The following FILIP1L variants were observed in gnomAD, a reference collection of about 807,000 sequenced individuals.
The protein encoded by FILIP1L is filamin A interacting protein 1 like.
FILIP1L carries 55 observed loss-of-function variants against 96.6 expected under a neutral mutation model. The observed-to-expected ratio is 0.57, with a 90% CI of 0.46 to 0.71. FILIP1L has a LOEUF of 0.71. FILIP1L is among the 30% of genes least tolerant of loss of function. The pLI is 0.00. For missense variants in FILIP1L, 1,304 were observed against 1,321.2 expected (o/e 0.99, Z 0.20); for synonymous variants, 467 against 473.9 (o/e 0.99, Z 0.19).
intron 5 of FILIP1L, among the ~76,000 whole-genome samples, chr3:99,842,677 A>G (rs1485943079): frequency 1.3e-5 from 2 of 152,226 alleles, no homozygotes; most frequent in Admixed American, 1.3e-4. Context: ...AATTTTGACA[A>G]TGAAATTTTA....
intron 1 of FILIP1L, among the ~76,000 whole-genome samples, chr3:99,995,684 G>A (rs1432668317): frequency 6.6e-6 from 1 of 152,220 alleles, no homozygotes; most frequent in Non-Finnish European, 1.5e-5. Context: ...CATCTAGGCA[G>A]AGGTTCCCAA....
At chr3:99,954,170 A>C (rs1708254800) in intron 1 of FILIP1L, among the ~76,000 whole-genome samples, 1 of 152,238 alleles carries the variant, frequency 6.6e-6, no homozygotes, top group African/African-American at 2.4e-5. Context: ...CATATTTCAC[A>C]GGTGACAAAC....
chr3:100,070,753 TC>T (rs1195960915), intron 1 of FILIP1L, among the ~76,000 whole-genome samples: 6 of 152,098 alleles, frequency 3.9e-5, no homozygotes, highest in South Asian at 2.1e-4. Context: ...TGCCTCAGCC[TC>T]CCAAGTAGCT....
intron 1 of FILIP1L, among the ~76,000 whole-genome samples, chr3:100,012,299 T>G (rs1047898183): frequency 2.0e-5 from 3 of 152,186 alleles, no homozygotes; most frequent in African/African-American, 7.2e-5. Flanking sequence ...CTGCCAAATA[T>G]GAGATGTATA....
At chr3:99,937,549 G>A (rs1199062559) in intron 1 of FILIP1L, among the ~76,000 whole-genome samples, 3 of 152,176 alleles carry the variant, frequency 2.0e-5, no homozygotes, top group African/African-American at 7.2e-5. Flanking sequence ...GGCCTTGGGC[G>A]TCAGTGAGCC....
chr3:99,844,512 A>G (rs2107512453), intron 5 of FILIP1L, among the ~76,000 whole-genome samples: 1 of 152,362 alleles, frequency 6.6e-6, no homozygotes, highest in South Asian at 2.1e-4. Flanking sequence ...TTTGTCTAAC[A>G]TATTTCAAAG....
At chr3:99,896,616 G>T (rs1442729806) in intron 4 of FILIP1L, among the ~76,000 whole-genome samples, 1 of 152,142 alleles carries the variant, frequency 6.6e-6, no homozygotes, top group Non-Finnish European at 1.5e-5. Context: ...ATTTTGATGG[G>T]CTAAGAACAA....
At chr3:100,043,213 T>C (rs1294346515) in intron 1 of FILIP1L, among the ~76,000 whole-genome samples, 1 of 152,250 alleles carries the variant, frequency 6.6e-6, no homozygotes, top group African/African-American at 2.4e-5. Context: ...CATTCTTTAC[T>C]GTGTTGTGCC....
At chr3:100,077,882 TG>T (rs1398283274) in intron 1 of FILIP1L, among the ~76,000 whole-genome samples, 1 of 152,102 alleles carries the variant, frequency 6.6e-6, no homozygotes, top group Non-Finnish European at 1.5e-5. Flanking sequence ...CACTCCAACC[TG>T]GGTGACAGAA....
intron 1 of FILIP1L, among the ~76,000 whole-genome samples, chr3:99,991,273 T>G (rs1709503088): frequency 6.6e-6 from 1 of 152,218 alleles, no homozygotes; most frequent in Non-Finnish European, 1.5e-5. Context: ...TCTACCTGTT[T>G]GTGAAGTGTG....
intron 3 of FILIP1L, 40 bp from the exon 4 acceptor site, chr3:99,924,448 T>C (rs550998103): frequency 1.9e-5 from 29 of 1,560,398 alleles, no homozygotes; most frequent in Middle Eastern, 1.7e-4. Context: ...CCAAATTGTT[T>C]ATATACTGTT....
chr3:100,091,296 A>AAAAAAAG (rs1553713259), intron 1 of FILIP1L, among the ~76,000 whole-genome samples: 4 of 148,218 alleles, frequency 2.7e-5, no homozygotes, highest in Non-Finnish European at 6.0e-5. Context: ...AAAAAAAAAA[A>AAAAAAAG]AAAAAAGAAA....
intron 1 of FILIP1L, among the ~76,000 whole-genome samples, chr3:100,102,405 A>G (rs2107459909): frequency 6.6e-6 from 1 of 152,330 alleles, no homozygotes; most frequent in Admixed American, 6.5e-5. Flanking sequence ...ATGGGATAAT[A>G]AGGAAAGAGA....
chr3:99,924,578 G>A (rs1394734510), intron 3 of FILIP1L, among the ~76,000 whole-genome samples, 170 bp from the exon 4 acceptor site: 1 of 152,180 alleles, frequency 6.6e-6, no homozygotes, highest in Non-Finnish European at 1.5e-5. Context: ...GAGTGCAATG[G>A]CGCGATCTCG....
intron 1 of FILIP1L, among the ~76,000 whole-genome samples, chr3:99,960,485 C>G (rs1218758602): frequency 1.3e-5 from 2 of 152,184 alleles, no homozygotes; most frequent in South Asian, 2.1e-4. Context: ...CTAGTAGAAG[C>G]AACATTCTGA....
At position 99,983,389 on chromosome 3, in the gene FILIP1L, A is replaced by AATATGTATATATAT. The variant is rs1553702701; in HGVS notation, c.-10-52360_-10-52359insATATATATACATAT. Reference sequence around the variant, plus strand: ...TCTCTACTTAAAAAATAAATAAATAAATATATATATATATATATATATATA... The same window carrying AATATGTATATATAT: ...TCTCTACTTAAAAAATAAATAAATAAATATGTATATATATATATATATATATATATATATATATA... On this transcript the variant is annotated intron_variant, in intron 1 of 5. Transcript: ENST00000477258. Among the ~76,000 whole-genome samples the AATATGTATATATAT allele has an allele frequency of 2.6e-3, 104 of 40,750 alleles. 7 individuals carry two copies. The highest frequency in any genetic ancestry group is 6.0e-3 in the Admixed American group (18 of 2,982). The allele number at this position is 40,750 out of a possible 152,430, so 26.7% of individuals were successfully genotyped here.
intron 1 of FILIP1L, among the ~76,000 whole-genome samples, chr3:100,051,043 A>G (rs918540055): frequency 6.6e-6 from 1 of 152,200 alleles, no homozygotes; most frequent in Non-Finnish European, 1.5e-5. Context: ...CAATAGAGAA[A>G]TCACATAAAA....
chr3:99,951,495 G>A (rs181863491), intron 1 of FILIP1L, among the ~76,000 whole-genome samples: 16 of 152,276 alleles, frequency 1.1e-4, no homozygotes, highest in Non-Finnish European at 1.9e-4. Flanking sequence ...TTTTAGTCCA[G>A]TCTCCCTGGT....
chr3:100,051,396 T>A (rs1181307352), intron 1 of FILIP1L: 2 of 151,984 alleles, frequency 1.3e-5, no homozygotes, highest in Admixed American at 1.3e-4. Context: ...AGGGTACATG[T>A]GCACAATGTG....
Sources: allele counts gnomAD v4.1 joint callset (sites outside exome capture counted in the v4.1 genomes callset), GRCh38; gene constraint gnomAD v4.1.1; transcripts MANE v1.5; gene names NCBI Gene and HGNC (gene_info 2026-07-23, HGNC 2026-07-21).